Variants in DIP2B observed in about 807,000 individuals in gnomAD.
DIP2B encodes the protein DIP2 acetate--CoA ligase B (putative), also known as disco-interacting protein 2 homolog B.
In DIP2B, 76 loss-of-function variants were observed where a neutral mutation model predicts 198.0. The ratio of observed to expected loss-of-function variants is 0.38; its 90% CI spans 0.32 to 0.46. The LOEUF is 0.46. Ranked by LOEUF, DIP2B falls within the 20% of genes least tolerant of loss-of-function variation. DIP2B has a pLI of 0.99. For synonymous variants in DIP2B, 701 were observed against 739.1 expected, an observed-to-expected ratio of 0.95 and a Z score of 0.84; for missense variants, 1,559 against 1,978.4, an observed-to-expected ratio of 0.79 and a Z score of 4.02.
chr12:50,542,072 C>CACG (rs890081979), intron 1 of DIP2B, among the ~76,000 whole-genome samples: 1 of 150,460 alleles, frequency 6.6e-6, no homozygotes, highest in Non-Finnish European at 1.5e-5. Context: ...GTGGGCGGAT[C>CACG]ACGAGGTCAG....
chr12:50,719,292 A>G (rs1939790109), intron 25 of DIP2B, among the ~76,000 whole-genome samples: 1 of 152,204 alleles, frequency 6.6e-6, no homozygotes, highest in South Asian at 2.1e-4. Flanking sequence ...TGATAGGAGA[A>G]ATGGAGCCAA....
intron 1 of DIP2B, among the ~76,000 whole-genome samples, chr12:50,615,024 G>T (rs751031538): frequency 1.3e-5 from 2 of 152,172 alleles, no homozygotes; most frequent in Non-Finnish European, 2.9e-5. Context: ...TATTGATAAA[G>T]AATGCCTGGC....
chr12:50,600,835 C>G lies in DIP2B; in HGVS notation c.101-25141C>G, dbSNP rs1286063402. On this transcript the variant is annotated intron_variant, in intron 1 of 37. Transcript: ENST00000301180. ...AGGGCTCCCCCTGGAAACCTCTTCCCAAGATATCTGTAGGGCTGACTCCTC... is the reference window on the plus strand; with the variant it reads ...AGGGCTCCCCCTGGAAACCTCTTCCGAAGATATCTGTAGGGCTGACTCCTC... Among the ~76,000 whole-genome samples, 3 of 151,838 alleles carry G rather than the reference C, an allele frequency of 2.0e-5. No individual in the cohort carries two copies. The East Asian group carries it at 5.8e-4, about 29-fold the overall frequency.
At chr12:50,728,471 C>G (rs1939976685) in intron 29 of DIP2B, 77 bp from the exon 30 acceptor site, 1 of 1,522,044 alleles carries the variant, frequency 6.6e-7, no homozygotes, top group Non-Finnish European at 8.9e-7. Context: ...ATTGAAACTC[C>G]TCAAAGCTGT....
chr12:50,522,670 G>A (rs571648517), intron 1 of DIP2B, among the ~76,000 whole-genome samples: 2 of 152,232 alleles, frequency 1.3e-5, no homozygotes, highest in South Asian at 4.1e-4. Context: ...ATAACATTGA[G>A]TAAAATAAGG....
intron 3 of DIP2B, among the ~76,000 whole-genome samples, chr12:50,641,596 C>A (rs1013877998): frequency 2.6e-5 from 4 of 152,162 alleles, no homozygotes; most frequent in African/African-American, 9.7e-5. Context: ...AGAAAACTCA[C>A]AATGAAATTT....
chr12:50,647,359 G>T (rs1938368991), intron 3 of DIP2B, among the ~76,000 whole-genome samples: 2 of 152,180 alleles, frequency 1.3e-5, no homozygotes, highest in Non-Finnish European at 2.9e-5. Flanking sequence ...CTTCAGAATG[G>T]AGGTGGTGAT....
At chr12:50,633,635 G>A (rs558067385) in intron 2 of DIP2B, among the ~76,000 whole-genome samples, 171 of 152,190 alleles carry the variant, frequency 1.1e-3, no homozygotes, top group Admixed American at 1.8e-3. Context: ...GTGTGGTGGC[G>A]CGCACCTGTG....
In DIP2B at chr12:50,540,053, G is replaced by GT. The variant is rs60978324; in HGVS notation, c.100+34842dup. Among the ~76,000 whole-genome samples, 95 of 44,144 alleles carry GT rather than the reference G, an allele frequency of 2.2e-3. 1 individual carries two copies. The highest frequency in any genetic ancestry group is 3.9e-3 in the African/African-American group (37 of 9,552). 29.0% of individuals were successfully genotyped at this position (44,144 alleles called of 152,430 possible). A position where few individuals can be genotyped will look rare whatever the true frequency, so the allele number is the denominator to read the frequency against. On this transcript the variant is annotated intron_variant, in intron 1 of 37. Coordinates refer to ENST00000301180, the MANE Select transcript of DIP2B (RefSeq NM_173602.3). Reference sequence around the variant, plus strand: ...TGGCAGGTAGTTTAGTTGTTTCTGTGTTTTTTTTTTTTTTTTTTTTTTTTT... The same window carrying GT: ...TGGCAGGTAGTTTAGTTGTTTCTGTGTTTTTTTTTTTTTTTTTTTTTTTTTT...
At chr12:50,721,461 G>T in intron 26 of DIP2B, 65 bp downstream of exon 26, 1 of 1,596,234 alleles carries the variant, frequency 6.3e-7, no homozygotes, top group South Asian at 1.1e-5. Context: ...AATTATAAAA[G>T]GATAGGCACT....
At chr12:50,553,226 AG>A (rs1958442241) in intron 1 of DIP2B, among the ~76,000 whole-genome samples, 1 of 152,218 alleles carries the variant, frequency 6.6e-6, no homozygotes, top group Non-Finnish European at 1.5e-5. Flanking sequence ...TTTGTTGAAG[AG>A]ACTGCCTTTT....
chr12:50,521,454 A>AT (rs1238241477), intron 1 of DIP2B, among the ~76,000 whole-genome samples: 1 of 105,988 alleles, frequency 9.4e-6, no homozygotes, highest in Non-Finnish European at 2.1e-5. Flanking sequence ...CATTTATGTT[A>AT]TTTTTACCTT....
chr12:50,567,750 A>T (rs1052295739), intron 1 of DIP2B, among the ~76,000 whole-genome samples: 3 of 151,992 alleles, frequency 2.0e-5, no homozygotes, highest in African/African-American at 4.8e-5. Context: ...CTGGTCTCGA[A>T]CTCCTGACCT....
At chr12:50,602,885 C>T (rs553914303) in intron 1 of DIP2B, among the ~76,000 whole-genome samples, 5 of 123,074 alleles carry the variant, frequency 4.1e-5, no homozygotes, top group Admixed American at 3.7e-4. Flanking sequence ...AAAAAATTGG[C>T]GGGGCGCGGT....
At chr12:50,732,724 T>A (rs1940066132) in intron 32 of DIP2B, among the ~76,000 whole-genome samples, 188 bp downstream of exon 32, 1 of 152,196 alleles carries the variant, frequency 6.6e-6, no homozygotes, top group African/African-American at 2.4e-5. Flanking sequence ...AAGGTAGCAG[T>A]ACTGTGCTTC....
At chr12:50,686,068 C>A (rs925985313) in intron 11 of DIP2B, 112 bp downstream of exon 11, 2 of 1,111,496 alleles carry the variant, frequency 1.8e-6, no homozygotes, top group Admixed American at 5.9e-5. Context: ...ATTTAATTCT[C>A]ATAGTCTTAT....
chr12:50,619,504 G>T (rs753091544), intron 1 of DIP2B, among the ~76,000 whole-genome samples: 1 of 152,070 alleles, frequency 6.6e-6, no homozygotes, highest in Non-Finnish European at 1.5e-5. Context: ...CCCTACTCAG[G>T]CCAAGATCGT....
intron 1 of DIP2B, among the ~76,000 whole-genome samples, chr12:50,607,706 T>G (rs1209945018): frequency 3.9e-5 from 6 of 152,264 alleles, no homozygotes; most frequent in African/African-American, 1.4e-4. Flanking sequence ...AAATTACTAA[T>G]AGCTGTAGTA....
At chr12:50,703,082 G>T (rs1318411146) in intron 19 of DIP2B, among the ~76,000 whole-genome samples, 1 of 151,952 alleles carries the variant, frequency 6.6e-6, no homozygotes, top group South Asian at 2.1e-4. Flanking sequence ...AATTAGCTAG[G>T]CGTGGTAACC....
Sources: allele counts gnomAD v4.1 joint callset (sites outside exome capture counted in the v4.1 genomes callset), GRCh38; gene constraint gnomAD v4.1.1; transcripts MANE v1.5; gene names NCBI Gene and HGNC (gene_info 2026-07-23, HGNC 2026-07-21).